TCEA2: variants seen among roughly 807,000 people sequenced by gnomAD.
TCEA2 encodes the protein transcription elongation factor A2.
TCEA2 carries 21 observed loss-of-function variants against 40.8 expected under a neutral mutation model. The observed-to-expected ratio is 0.51, with a 90% CI of 0.36 to 0.74. TCEA2 has a LOEUF of 0.74. Ranked by LOEUF, TCEA2 falls within the 30% of genes least tolerant of loss-of-function variation. The pLI is 0.00. For synonymous variants in TCEA2, 165 were observed against 162.7 expected (o/e 1.01, Z -0.11); for missense variants, 326 against 426.5 (o/e 0.76, Z 2.08).
chr20:64,070,075 A>G, intron 6 of TCEA2, 185 bp from the exon 7 acceptor site: 2 of 966,844 alleles, frequency 2.1e-6, no homozygotes, highest in Non-Finnish European at 3.1e-6. Flanking sequence ...TCAGTCAGGA[A>G]TGGGCCTGGG....
chr20:64,067,471 G>A (rs1408530945), intron 3 of TCEA2, among the ~76,000 whole-genome samples: 1 of 145,538 alleles, frequency 6.9e-6, no homozygotes, highest in Non-Finnish European at 1.5e-5. Context: ...CCAGGGAAGG[G>A]AAGGGCTGGG....
At chr20:64,063,159 G>A, upstream of TCEA2, 1 of 590,840 alleles carries the variant, frequency 1.7e-6, no homozygotes, top group Non-Finnish European at 2.4e-6. Context: ...GCCGCGCGCG[G>A]CCGCGGGGCC....
chr20:64,063,263 C>T lies in TCEA2; in HGVS notation c.-50C>T, dbSNP rs893004092. ...CGACGGCCGGGGCCGGGGTCCTGCCCGGCTGCGGAGGCGGGCGCGACGGGC... is the reference window on the plus strand; with the variant it reads ...CGACGGCCGGGGCCGGGGTCCTGCCTGGCTGCGGAGGCGGGCGCGACGGGC... On this transcript the variant is annotated 5_prime_UTR_variant, in exon 1 of 10. Coordinates refer to ENST00000343484, the MANE Select transcript of TCEA2 (RefSeq NM_003195.6). The T allele has an allele frequency of 5.3e-6, 8 of 1,495,756 alleles. No homozygotes were observed. The highest frequency in any genetic ancestry group is 2.1e-5 in the Admixed American group (1 of 46,684). 92.7% of individuals were successfully genotyped at this position (1,495,756 alleles called of 1,614,324 possible).
chr20:64,060,988 A>T (rs1329458252), upstream of TCEA2, among the ~76,000 whole-genome samples: 1 of 146,772 alleles, frequency 6.8e-6, no homozygotes, highest in Non-Finnish European at 1.5e-5. Flanking sequence ...TTTAGTAGAG[A>T]CGGGGTTTCA....
rs1371619356 is a variant in TCEA2 at position 64,069,628 on chromosome 20, TA to T, written c.461-136del. The T allele has an allele frequency of 3.3e-6, 5 of 1,526,532 alleles. No individual in the cohort carries two copies. In the African/African-American group the frequency reaches 6.8e-5, roughly 21 times the overall value. The allele number at this position is 1,526,532 out of a possible 1,614,324, so 94.6% of individuals were successfully genotyped here. On this transcript the variant is annotated intron_variant, in intron 5 of 9. Transcript: ENST00000343484. ...CCATTGCTGTGGCCCTGGCAGGGGC[TA>T]GGGGCCTGTGCCTGGATCGTGGGCC... is the stretch of plus-strand genomic sequence containing the variant.
In TCEA2 at chr20:64,063,316, A is replaced by AT; in HGVS notation, c.5dup (p.Met2IlefsTer62). On this transcript the variant is annotated frameshift_variant, in exon 1 of 10. Transcript: ENST00000343484. LOFTEE classifies it high-confidence loss of function. Reference sequence around the variant, plus strand: ...GGGGGTCGCTGCTCCTGAGGCGATGATGGGCAAGGAAGAGGAGATTGCGCG... The same window carrying AT: ...GGGGGTCGCTGCTCCTGAGGCGATGATTGGGCAAGGAAGAGGAGATTGCGCG... 6.5e-7 allele frequency: 1 copy of AT among 1,541,350 alleles called. No individual in the cohort carries two copies. The highest frequency in any genetic ancestry group is 8.7e-7 in the Non-Finnish European group (1 of 1,144,202).
intron 1 of TCEA2, chr20:64,063,636 C>T (rs1045693419): frequency 1.9e-6 from 1 of 540,130 alleles, no homozygotes; most frequent in African/African-American, 2.0e-5. Context: ...GGGAGAGCCA[C>T]CCGCTCTGGA....
intron 1 of TCEA2, chr20:64,063,685 C>G (rs1017798641): frequency 2.2e-6 from 1 of 456,556 alleles, no homozygotes; most frequent in Non-Finnish European, 3.9e-6. Flanking sequence ...AGGCTCCGCA[C>G]CCTTCCCTGT....
At chr20:64,059,604 T>C (rs116647615), upstream of TCEA2, among the ~76,000 whole-genome samples, 799 of 152,082 alleles carry the variant, frequency 5.3e-3, 4 homozygotes, top group African/African-American at 0.018. Context: ...ACTTCTGATC[T>C]GCACACAGGT....
chr20:64,070,759 G>C, intron 8 of TCEA2, 124 bp downstream of exon 8: 1 of 1,350,110 alleles, frequency 7.4e-7, no homozygotes, highest in East Asian at 2.5e-5. Flanking sequence ...CAGTCCCTGA[G>C]TAGGCTAAGG....
chr20:64,056,492 G>T (rs1336737047), upstream of TCEA2, among the ~76,000 whole-genome samples: 3 of 152,108 alleles, frequency 2.0e-5, no homozygotes, highest in African/African-American at 7.2e-5. Context: ...CGGCTCCTAG[G>T]TGCTTGGGCT....
rs2059618773 is a variant in TCEA2 at position 64,063,583 on chromosome 20, C to G, written c.72+199C>G. On this transcript the variant is annotated intron_variant, in intron 1 of 9. Transcript: ENST00000343484. ...CCGGGCCAGCCCTGCCGTTCACTCC[C>G]GCAACCCCGGCAGAGGCCGCGATCA... The G allele has an allele frequency of 2.2e-5, 14 of 633,650 alleles. No individual in the cohort carries two copies. The South Asian group carries it at 2.4e-4, about 11-fold the overall frequency. 39.3% of individuals were successfully genotyped at this position (633,650 alleles called of 1,614,324 possible).
intron 1 of TCEA2, 59 bp downstream of exon 1, chr20:64,063,443 C>T (rs562409180): frequency 1.8e-5 from 27 of 1,520,690 alleles, no homozygotes; most frequent in East Asian, 1.7e-4. Flanking sequence ...CCCCGTCGAG[C>T]CCGCCGACCC....
At chr20:64,057,404 T>TCCCC (rs2059486732) in exon 1 of TCEA2, 1 of 152,182 alleles carries the variant, frequency 6.6e-6, no homozygotes, top group Non-Finnish European at 1.5e-5. Context: ...CCGCAGTGGC[T>TCCCC]CCCCGTGTGT....
At position 64,069,753 on chromosome 20, in the gene TCEA2, T is replaced by G. The variant is rs1035305492; in HGVS notation, c.461-12T>G. The G allele has an allele frequency of 6.9e-5, 111 of 1,607,316 alleles. No homozygotes were observed. Among genetic ancestry groups the G allele is most frequent in the Non-Finnish European group, 9.4e-5 (111 of 1,174,816 alleles). On this transcript the variant is annotated splice_polypyrimidine_tract_variant and intron_variant, in intron 5 of 9. Coordinates refer to ENST00000343484, the MANE Select transcript of TCEA2 (RefSeq NM_003195.6). Reference sequence around the variant, plus strand: ...ACCAGTGGGGGAAGCTAGTCAGGGCTCCCTCTTGCAGATGACCACGTGGCC... The same window carrying G: ...ACCAGTGGGGGAAGCTAGTCAGGGCGCCCTCTTGCAGATGACCACGTGGCC...
intron 1 of TCEA2, chr20:64,063,628 G>A: frequency 1.8e-6 from 1 of 543,484 alleles, no homozygotes; most frequent in South Asian, 2.2e-5. Flanking sequence ...CTTGTCCCGG[G>A]AGAGCCACCC....
intron 4 of TCEA2, 54 bp from the exon 5 acceptor site, chr20:64,069,307 G>A (rs1386369204): frequency 2.2e-5 from 33 of 1,517,910 alleles, no homozygotes; most frequent in Middle Eastern, 1.7e-4. Context: ...CCAGTGTCTC[G>A]CTGGGGTGCC....
At chr20:64,065,162 C>T (rs1365564933) in intron 1 of TCEA2, among the ~76,000 whole-genome samples, 1 of 152,138 alleles carries the variant, frequency 6.6e-6, no homozygotes, top group Admixed American at 6.5e-5. Context: ...TGGACCTGAG[C>T]CCACTGAGAG....
At chr20:64,066,655 A>G in intron 2 of TCEA2, 117 bp downstream of exon 2, 1 of 1,189,328 alleles carries the variant, frequency 8.4e-7, no homozygotes, top group South Asian at 1.3e-5. Flanking sequence ...TAGTTGGCAC[A>G]AATGCCTGTT....
Sources: gnomAD v4.1 joint callset for allele counts (sites outside exome capture counted in the v4.1 genomes callset) on GRCh38, gnomAD v4.1.1 for gene constraint, MANE v1.5 for transcripts, NCBI Gene and HGNC (gene_info 2026-07-23, HGNC 2026-07-21) for gene names.